The following SH3RF3 variants were observed in gnomAD, a reference collection of about 807,000 sequenced individuals.
SH3RF3 encodes the protein E3 ubiquitin-protein ligase SH3RF3.
Under a neutral mutation model 66.3 loss-of-function variants are expected in SH3RF3, and 29 were observed. The ratio of observed to expected loss-of-function variants is 0.44; its 90% confidence interval spans 0.33 to 0.60. The LOEUF (loss-of-function observed/expected upper bound fraction) is 0.60. Among genes scored for constraint, SH3RF3 ranks in the 20% least tolerant of loss-of-function variants. The pLI, the probability that SH3RF3 is intolerant of heterozygous loss-of-function variation, is 0.04. For missense variants in SH3RF3, 1,194 were observed against 1,190.9 expected (o/e 1.00, Z -0.04); for synonymous variants, 583 against 532.0 (o/e 1.10, Z -1.32).
intron 5 of SH3RF3, among the ~76,000 whole-genome samples, chr2:109,430,875 A>C (rs1172311472): frequency 2.6e-5 from 4 of 152,224 alleles, no homozygotes; most frequent in Non-Finnish European, 4.4e-5. Context: ...TGCCAGCCAC[A>C]GTTGGAGCCC....
intron 4 of SH3RF3, among the ~76,000 whole-genome samples, chr2:109,400,865 A>G (rs1676296331): frequency 6.6e-6 from 1 of 152,210 alleles, no homozygotes; most frequent in African/African-American, 2.4e-5. Flanking sequence ...CATATTCCCC[A>G]GAGAACAGCC....
At chr2:109,441,591 G>A (rs1369794835) in intron 7 of SH3RF3, among the ~76,000 whole-genome samples, 1 of 152,212 alleles carries the variant, frequency 6.6e-6, no homozygotes, top group Non-Finnish European at 1.5e-5. Context: ...GTAATTGGAG[G>A]TCTCCAATGT....
At chr2:109,274,156 GAT>G (rs1362572462) in intron 1 of SH3RF3, among the ~76,000 whole-genome samples, 2 of 152,170 alleles carry the variant, frequency 1.3e-5, no homozygotes, top group Non-Finnish European at 2.9e-5. Flanking sequence ...AATCTTCTAG[GAT>G]CTGGATTTCT....
intron 3 of SH3RF3, among the ~76,000 whole-genome samples, chr2:109,385,583 T>G (rs907483055): frequency 6.6e-6 from 1 of 152,256 alleles, no homozygotes; most frequent in Non-Finnish European, 1.5e-5. Context: ...GGAGCCTGTT[T>G]GAAATAATCA....
intron 2 of SH3RF3, among the ~76,000 whole-genome samples, chr2:109,365,796 T>C (rs2105652319): frequency 6.6e-6 from 1 of 152,376 alleles, no homozygotes; most frequent in African/African-American, 2.4e-5. Context: ...GGCTGTCGAC[T>C]GTACTTGTGA....
intron 1 of SH3RF3, among the ~76,000 whole-genome samples, chr2:109,262,316 C>T (rs897865119): frequency 5.9e-5 from 9 of 152,292 alleles, no homozygotes; most frequent in South Asian, 2.1e-4. Flanking sequence ...CGAGTAACCA[C>T]GGTGGAAAAG....
intron 1 of SH3RF3, among the ~76,000 whole-genome samples, chr2:109,179,003 ATGTGTGTGTG>A (rs56236635): frequency 7.0e-6 from 1 of 142,066 alleles, no homozygotes; most frequent in African/African-American, 2.6e-5. Context: ...AAGTATAATA[ATGTGTGTGTG>A]TGTGTGTGTG....
chr2:109,327,466 T>C (rs552769649), intron 1 of SH3RF3, among the ~76,000 whole-genome samples: 3 of 151,838 alleles, frequency 2.0e-5, no homozygotes, highest in African/African-American at 7.3e-5. Flanking sequence ...CTTTCACTCT[T>C]CCACATACAT....
At chr2:109,374,629 T>C (rs751102425) in intron 3 of SH3RF3, among the ~76,000 whole-genome samples, 3 of 152,182 alleles carry the variant, frequency 2.0e-5, no homozygotes, top group Non-Finnish European at 4.4e-5. Flanking sequence ...CCGGTGATGC[T>C]TGTCCCCTGG....
chr2:109,219,607 A>G (rs1419007702), intron 1 of SH3RF3, among the ~76,000 whole-genome samples: 2 of 152,260 alleles, frequency 1.3e-5, no homozygotes, highest in African/African-American at 2.4e-5. Flanking sequence ...GCAAAGTTGC[A>G]AAATATAAAA....
chr2:109,413,430 G>T (rs1327763364), intron 4 of SH3RF3, among the ~76,000 whole-genome samples: 2 of 152,138 alleles, frequency 1.3e-5, no homozygotes, highest in Non-Finnish European at 2.9e-5. Context: ...GTTATTTTAG[G>T]ATTCATTCTT....
rs181511215 is a variant in SH3RF3, at chr2:109,154,079, C to T, written c.573+23966C>T. On this transcript the variant is annotated intron_variant, in intron 1 of 9. Coordinates refer to ENST00000309415, the MANE Select transcript of SH3RF3 (RefSeq NM_001099289.3). ...GTGTTGATGCATCAAAGTATGAACA[C>T]TGTCAATATGCTGTGGTTGCCAGAC... Among the ~76,000 whole-genome samples, 431 of 152,298 alleles carry T rather than the reference C, an allele frequency of 2.8e-3. 2 individuals carry two copies. Among genetic ancestry groups the T allele is most frequent in the African/African-American group, 9.9e-3 (412 of 41,564 alleles).
chr2:109,183,934 TGCAGGTGAGTGCCCCA>T (rs1678127308), intron 1 of SH3RF3, among the ~76,000 whole-genome samples: 1 of 152,192 alleles, frequency 6.6e-6, no homozygotes, highest in African/African-American at 2.4e-5. Flanking sequence ...ACCTACCAGT[TGCAGGTGAGTGCCCCA>T]GCTCCTCAGA....
intron 1 of SH3RF3, among the ~76,000 whole-genome samples, chr2:109,346,972 C>T (rs2105556662): frequency 6.6e-6 from 1 of 152,286 alleles, no homozygotes; most frequent in African/African-American, 2.4e-5. Context: ...ACCCCTGCTC[C>T]TGGGCATGGC....
At chr2:109,142,041 C>G (rs1225847666) in intron 1 of SH3RF3, among the ~76,000 whole-genome samples, 22 of 115,700 alleles carry the variant, frequency 1.9e-4, no homozygotes, top group Admixed American at 1.7e-3. Flanking sequence ...CCTTGAGTCT[C>G]CTGGGGGGGG....
In SH3RF3 at chr2:109,433,802, G is replaced by A. The variant is rs1573248278; in HGVS notation, c.1574+1131G>A. On this transcript the variant is annotated intron_variant, in intron 6 of 9. Coordinates refer to ENST00000309415, the MANE Select transcript of SH3RF3 (RefSeq NM_001099289.3). ...AGGTCTGCAGGCACAAGGCTGAAGG[G>A]GCAGTTAGAGATCCTTCGCTCAGGT... 2.6e-5 allele frequency among the ~76,000 whole-genome samples: 4 copies of A among 152,332 alleles called. No individual in the cohort carries two copies. The East Asian group carries it at 7.7e-4, about 29-fold the overall frequency.
At chr2:109,499,064 C>T (rs1429720846) in intron 9 of SH3RF3, among the ~76,000 whole-genome samples, 3 of 152,116 alleles carry the variant, frequency 2.0e-5, no homozygotes, top group African/African-American at 4.8e-5. Flanking sequence ...AGCCTTTGCC[C>T]AAAAGGAGCC....
intron 2 of SH3RF3, among the ~76,000 whole-genome samples, chr2:109,360,562 A>C (rs1414694943): frequency 1.3e-5 from 2 of 152,242 alleles, no homozygotes; most frequent in African/African-American, 4.8e-5. Flanking sequence ...AATATTCCAA[A>C]ATCTGAAAAC....
intron 1 of SH3RF3, among the ~76,000 whole-genome samples, chr2:109,327,081 G>A (rs761714155): frequency 2.0e-5 from 3 of 152,218 alleles, no homozygotes; most frequent in Non-Finnish European, 4.4e-5. Context: ...TTTAAATGTT[G>A]TTCCACTGAA....
Sources: allele counts gnomAD v4.1 joint callset (sites outside exome capture counted in the v4.1 genomes callset), GRCh38; gene constraint gnomAD v4.1.1; transcripts MANE v1.5; gene names NCBI Gene and HGNC (gene_info 2026-07-23, HGNC 2026-07-21).